The following MYO3B variants were observed in gnomAD, a reference collection of about 807,000 sequenced individuals.
MYO3B encodes myosin-IIIb.
MYO3B carries 156 observed loss-of-function variants against 174.6 expected under a neutral mutation model. The ratio of observed to expected loss-of-function variants is 0.89; its 90% CI spans 0.78 to 1.02. MYO3B has a LOEUF of 1.02. Among genes scored for constraint, MYO3B ranks in the 50% least tolerant of loss-of-function variants. The probability of loss-of-function intolerance (pLI) is 0.00; values close to 1 mark genes in which losing one functional copy is unlikely to be tolerated. For missense variants in MYO3B, 1,632 were observed against 1,639.4 expected, an observed-to-expected ratio of 1.00 and a Z score of 0.08; for synonymous variants, 563 against 569.1, an observed-to-expected ratio of 0.99 and a Z score of 0.15.
intron 30 of MYO3B, among the ~76,000 whole-genome samples, chr2:170,541,240 CTCTT>C (rs1249111972): frequency 6.6e-6 from 1 of 152,200 alleles, no homozygotes; most frequent in Admixed American, 6.5e-5. Flanking sequence ...CAGCTAAACT[CTCTT>C]TCTTAGACTT....
intron 8 of MYO3B, among the ~76,000 whole-genome samples, chr2:170,355,066 G>C (rs913450620): frequency 2.6e-5 from 4 of 152,100 alleles, no homozygotes; most frequent in Non-Finnish European, 4.4e-5. Context: ...CTCCAAAAAA[G>C]CAGCAGGAGC....
chr2:170,335,573 C>T (rs1180650427), intron 8 of MYO3B, 123 bp downstream of exon 8: 3 of 735,720 alleles, frequency 4.1e-6, no homozygotes, highest in African/African-American at 3.6e-5. Context: ...CGTTATGACT[C>T]GGGGTTTGTT....
chr2:170,275,381 CCA>C (rs1174531023), intron 7 of MYO3B, among the ~76,000 whole-genome samples: 2 of 152,294 alleles, frequency 1.3e-5, no homozygotes, highest in East Asian at 1.9e-4. Flanking sequence ...CAAATTTCAT[CCA>C]CAGTTTCCAG....
At chr2:170,216,792 AT>A (rs1164058465) in intron 5 of MYO3B, among the ~76,000 whole-genome samples, 1 of 152,206 alleles carries the variant, frequency 6.6e-6, no homozygotes, top group African/African-American at 2.4e-5. Context: ...ATGTGAAATA[AT>A]TTGGAAATAT....
At chr2:170,238,774 G>A (rs145671854) in intron 7 of MYO3B, among the ~76,000 whole-genome samples, 1 of 151,802 alleles carries the variant, frequency 6.6e-6, no homozygotes, top group South Asian at 2.1e-4. Context: ...AATTAGGAAG[G>A]TTCCCTGGGT....
At chr2:170,511,329 G>A (rs1376939923) in intron 28 of MYO3B, among the ~76,000 whole-genome samples, 6 of 152,006 alleles carry the variant, frequency 3.9e-5, no homozygotes, top group Admixed American at 2.0e-4. Context: ...GCTTCCCAAA[G>A]TGCTAGGATT....
intron 22 of MYO3B, among the ~76,000 whole-genome samples, chr2:170,431,908 T>C (rs2094712250): frequency 6.6e-6 from 1 of 152,206 alleles, no homozygotes; most frequent in Non-Finnish European, 1.5e-5. Flanking sequence ...TCCCATAAGA[T>C]TACAATGCAG....
chr2:170,294,500 T>C (rs192144774), intron 7 of MYO3B, among the ~76,000 whole-genome samples: 91 of 152,198 alleles, frequency 6.0e-4, no homozygotes, highest in African/African-American at 2.2e-3. Context: ...TATTTTACTG[T>C]GGTTATATAC....
intron 3 of MYO3B, among the ~76,000 whole-genome samples, chr2:170,205,765 GT>G (rs2092708178): frequency 6.6e-6 from 1 of 151,892 alleles, no homozygotes; most frequent in Non-Finnish European, 1.5e-5. Context: ...GTTGTCTTCT[GT>G]CCATCCTCCA....
At chr2:170,535,077 T>TA (rs1689600459) in intron 30 of MYO3B, among the ~76,000 whole-genome samples, 1 of 152,214 alleles carries the variant, frequency 6.6e-6, no homozygotes, top group African/African-American at 2.4e-5. Flanking sequence ...CTTTGGCACT[T>TA]ACTTGTATTT....
At chr2:170,591,693 C>T (rs1693826638) in intron 32 of MYO3B, among the ~76,000 whole-genome samples, 1 of 152,140 alleles carries the variant, frequency 6.6e-6, no homozygotes, top group Non-Finnish European at 1.5e-5. Context: ...CCTCTTGTTT[C>T]AGGGGTTAGG....
At chr2:170,317,305 C>G (rs1183182774) in intron 7 of MYO3B, among the ~76,000 whole-genome samples, 1 of 152,150 alleles carries the variant, frequency 6.6e-6, no homozygotes, top group Non-Finnish European at 1.5e-5. Flanking sequence ...CTACATAAGT[C>G]TGTTTCCCAA....
At chr2:170,500,729 C>T (rs181121074) in intron 27 of MYO3B, among the ~76,000 whole-genome samples, 1 of 152,262 alleles carries the variant, frequency 6.6e-6, no homozygotes, top group East Asian at 1.9e-4. Flanking sequence ...CCCAGAATGA[C>T]TGAGATAATA....
chr2:170,236,221 T>C lies in MYO3B; in HGVS notation c.749+85T>C. The C allele has an allele frequency of 5.1e-6, 8 of 1,561,538 alleles. No homozygotes were observed. In the South Asian group the frequency reaches 9.1e-5, roughly 18 times the overall value. On this transcript the variant is annotated intron_variant, in intron 7 of 34. Coordinates refer to ENST00000408978, the MANE Select transcript of MYO3B (RefSeq NM_138995.5). ...GGATAATAAATAGTTTGCAAGCAAT[T>C]TCTCTCCAAACCTGACAAAGCCTGA...
At chr2:170,627,145 G>T (rs1696515598) in intron 32 of MYO3B, among the ~76,000 whole-genome samples, 1 of 152,132 alleles carries the variant, frequency 6.6e-6, no homozygotes, top group Non-Finnish European at 1.5e-5. Flanking sequence ...CCTGAAGAGG[G>T]TTTTCCAGCT....
chr2:170,528,262 G>A (rs1470354758), intron 30 of MYO3B, among the ~76,000 whole-genome samples: 1 of 152,218 alleles, frequency 6.6e-6, no homozygotes, highest in Non-Finnish European at 1.5e-5. Context: ...GCTGGTAGCT[G>A]CCTATGGTTA....
chr2:170,496,710 T>A (rs1686874309), intron 25 of MYO3B, among the ~76,000 whole-genome samples: 1 of 151,740 alleles, frequency 6.6e-6, no homozygotes, highest in Non-Finnish European at 1.5e-5. Flanking sequence ...AGTGGTGTGA[T>A]CATGGCTCAC....
intron 32 of MYO3B, among the ~76,000 whole-genome samples, chr2:170,599,468 C>T (rs980575559): frequency 1.3e-5 from 2 of 151,988 alleles, no homozygotes; most frequent in Non-Finnish European, 1.5e-5. Flanking sequence ...TTGTTTTTAC[C>T]GTTAAAAGGG....
rs754960132 is a variant in MYO3B, at chr2:170,369,391, T to G, written c.971+14T>G. The G allele has an allele frequency of 6.2e-7, 1 of 1,604,130 alleles. No individual in the cohort carries two copies. The highest frequency in any genetic ancestry group is 2.2e-5 in the East Asian group (1 of 44,706). The stretch of plus-strand genomic sequence containing the variant: ...TGCTAAAACCAGGTACTGTACTCTC[T>G]TTCTTCTTTCTCCCTGTGGTTGTTT... On this transcript the variant is annotated intron_variant, in intron 9 of 34. Coordinates refer to ENST00000408978, the MANE Select transcript of MYO3B (RefSeq NM_138995.5).
Sources: allele counts gnomAD v4.1 joint callset (sites outside exome capture counted in the v4.1 genomes callset), GRCh38; gene constraint gnomAD v4.1.1; transcripts MANE v1.5; gene names NCBI Gene and HGNC (gene_info 2026-07-23, HGNC 2026-07-21).